DMD: variants seen among roughly 807,000 people sequenced by gnomAD.
DMD encodes dystrophin, also known as mutant dystrophin.
DMD carries 63 observed loss-of-function variants against 330.1 expected under a neutral mutation model. The observed-to-expected ratio is 0.19, with a 90% CI of 0.16 to 0.24. The LOEUF (loss-of-function observed/expected upper bound fraction) is 0.24. DMD is among the 10% of genes least tolerant of loss of function. DMD has a pLI of 1.00. For synonymous variants in DMD, 1,223 were observed against 959.8 expected (o/e 1.27, Z -5.07); for missense variants, 3,344 against 2,684.1 (o/e 1.25, Z -5.43).
intron 29 of DMD, among the ~76,000 whole-genome samples, chrX:32,436,790 C>T (rs747888239): frequency 9.1e-6 from 1 of 109,762 alleles, no homozygotes; most frequent in South Asian, 4.0e-4. Flanking sequence ...CATTTCCACA[C>T]ACACACACAC....
chrX:31,680,530 C>T (rs1252956821), intron 52 of DMD, among the ~76,000 whole-genome samples: 1 of 109,535 alleles, frequency 9.1e-6, no homozygotes, highest in Non-Finnish European at 1.9e-5. Flanking sequence ...GCCATCATGC[C>T]CAGCTAATTT....
intron 61 of DMD, among the ~76,000 whole-genome samples, chrX:31,338,842 G>T (rs1389005108): frequency 1.9e-5 from 2 of 107,642 alleles, no homozygotes; most frequent in African/African-American, 6.8e-5. Flanking sequence ...TGGATCCTGA[G>T]CATCCTTCCT....
intron 30 of DMD, among the ~76,000 whole-genome samples, chrX:32,401,351 G>C (rs1365279672): frequency 1.8e-5 from 2 of 111,254 alleles, no homozygotes; most frequent in Non-Finnish European, 3.8e-5. Context: ...AAGAAAATAT[G>C]GTACCTATAC....
At position 31,482,234 on chromosome X, in the gene DMD, T is replaced by C. The variant is rs74460351; in HGVS notation, c.8548-3131A>G. On this transcript the variant is annotated intron_variant, in intron 57 of 78. Transcript: ENST00000357033. Reference sequence around the variant, plus strand: ...CAACATGATGGTGTGTGTGTGTGTGTGTGGGGGGGGTGTTCTGTGCATGGG... The same window carrying C: ...CAACATGATGGTGTGTGTGTGTGTGCGTGGGGGGGGTGTTCTGTGCATGGG... Among the ~76,000 whole-genome samples, 107 of 76,169 alleles carry C rather than the reference T, an allele frequency of 1.4e-3. 1 individual carries two copies. The highest frequency in any genetic ancestry group is 7.6e-3 in the African/African-American group (105 of 13,906). The allele number at this position is 76,169 out of a possible 115,157, so 66.1% of individuals were successfully genotyped here.
chrX:33,003,513 T>C (rs1368403435), intron 2 of DMD, among the ~76,000 whole-genome samples: 1 of 111,979 alleles, frequency 8.9e-6, no homozygotes, highest in African/African-American at 3.2e-5. Flanking sequence ...AGAAAATATA[T>C]AATATACAGT....
chrX:32,039,440 G>A (rs1316015531), intron 44 of DMD, among the ~76,000 whole-genome samples: 1 of 111,385 alleles, frequency 9.0e-6, no homozygotes, highest in Admixed American at 9.5e-5. Context: ...CACACTGTCC[G>A]TGAAACATGC....
intron 44 of DMD, among the ~76,000 whole-genome samples, chrX:32,095,363 A>G (rs1454140040): frequency 8.9e-6 from 1 of 111,984 alleles, no homozygotes; most frequent in Admixed American, 9.5e-5. Flanking sequence ...CTTTTAATAT[A>G]ACAAGTTTTC....
chrX:32,232,253 TATAAAA>T (rs2097171664), intron 43 of DMD, among the ~76,000 whole-genome samples: 1 of 112,171 alleles, frequency 8.9e-6, no homozygotes, highest in African/African-American at 3.2e-5. Flanking sequence ...AATATTTTCT[TATAAAA>T]ATAGAGATAC....
In DMD at chrX:32,614,321, G is replaced by A. The variant is rs771891715; in HGVS notation, c.1464C>T (p.Arg488=). 6.6e-6 allele frequency: 8 copies of A among 1,205,779 alleles called. No homozygotes were observed. The East Asian group carries it at 1.8e-4, about 27-fold the overall frequency. Residue 488 remains arginine (R), a synonymous_variant, in exon 12 of 79, where the codon CGC becomes CGT. Coordinates refer to ENST00000357033, the MANE Select transcript of DMD (RefSeq NM_004006.3). ...CACCTACCTTATGTTGTTGTACTTGGCGTTTTAGGTCTTCAAGATCAGGTC... is the reference window on the plus strand; with the variant it reads ...CACCTACCTTATGTTGTTGTACTTGACGTTTTAGGTCTTCAAGATCAGGTC... ...PLGPDLEDLK[R]QVQQHKVLQE...
rs776833995 is a variant in DMD at position 31,720,018 on chromosome X, A to C, written c.7660+9613T>G. 4.5e-5 allele frequency among the ~76,000 whole-genome samples: 5 copies of C among 111,928 alleles called. No individual in the cohort carries two copies. The South Asian group carries it at 1.9e-3, about 42-fold the overall frequency. On this transcript the variant is annotated intron_variant, in intron 52 of 78. Coordinates refer to ENST00000357033, the MANE Select transcript of DMD (RefSeq NM_004006.3). Reference sequence around the variant, plus strand: ...ACCTACAGAACCTATGAGTGATAATAAATGATTATTGCTACTTTAGGACAC... The same window carrying C: ...ACCTACAGAACCTATGAGTGATAATCAATGATTATTGCTACTTTAGGACAC...
At chrX:32,505,633 T>C (rs1233731192) in intron 18 of DMD, among the ~76,000 whole-genome samples, 1 of 112,161 alleles carries the variant, frequency 8.9e-6, no homozygotes. Context: ...CATTCTACTA[T>C]ATGATCCAGC....
At chrX:32,528,905 C>CT (rs35476358) in intron 17 of DMD, among the ~76,000 whole-genome samples, 633 of 59,829 alleles carry the variant, frequency 0.011, 4 homozygotes, top group African/African-American at 0.015. Context: ...CAATGTATTT[C>CT]TTTTTTTTTT....
chrX:33,152,765 G>A (rs2048339797), intron 1 of DMD, among the ~76,000 whole-genome samples: 1 of 111,349 alleles, frequency 9.0e-6, no homozygotes, highest in Non-Finnish European at 1.9e-5. Flanking sequence ...TTCCAAACGA[G>A]AAAAGCTGCT....
chrX:32,403,902 G>C (rs749087476), intron 30 of DMD, among the ~76,000 whole-genome samples: 72 of 111,832 alleles, frequency 6.4e-4, no homozygotes, highest in African/African-American at 2.3e-3. Context: ...GGTTTCTGCT[G>C]TCTAACTCAT....
chrX:31,657,672 T>C (rs957487311), intron 54 of DMD, among the ~76,000 whole-genome samples: 1 of 112,157 alleles, frequency 8.9e-6, no homozygotes, highest in African/African-American at 3.2e-5. Flanking sequence ...CATGATGAGA[T>C]AGAAAGATAT....
chrX:31,718,024 G>T (rs1219720245), intron 52 of DMD, among the ~76,000 whole-genome samples: 1 of 111,457 alleles, frequency 9.0e-6, no homozygotes, highest in Non-Finnish European at 1.9e-5. Flanking sequence ...GACCCCCAAT[G>T]GCTTTACTCC....
At chrX:32,643,392 G>A (rs2059593423) in intron 11 of DMD, among the ~76,000 whole-genome samples, 1 of 108,112 alleles carries the variant, frequency 9.2e-6, no homozygotes, top group Admixed American at 1.0e-4. Context: ...TAAACTTAAG[G>A]CATTTGGACA....
At chrX:31,867,091 G>GATATATATATATAT (rs35804192) in intron 48 of DMD, among the ~76,000 whole-genome samples, 17 of 101,305 alleles carry the variant, frequency 1.7e-4, no homozygotes, top group African/African-American at 5.7e-4. Context: ...AACATATTTT[G>GATATATATATATAT]ATATATATAT....
At chrX:31,131,681 T>C (rs1026331252) in intron 77 of DMD, among the ~76,000 whole-genome samples, 11 of 111,716 alleles carry the variant, frequency 9.8e-5, no homozygotes, top group African/African-American at 3.6e-4. Context: ...ACTGGTAAGA[T>C]GTTCCCGCCA....
Sources: gnomAD v4.1 joint callset for allele counts (sites outside exome capture counted in the v4.1 genomes callset) on GRCh38, gnomAD v4.1.1 for gene constraint, MANE v1.5 for transcripts, NCBI Gene and HGNC (gene_info 2026-07-23, HGNC 2026-07-21) for gene names.